PRRX1: variants seen among roughly 807,000 people sequenced by gnomAD.
PRRX1 encodes the protein paired mesoderm homeobox protein 1.
PRRX1 carries 8 observed loss-of-function variants against 24.0 expected under a neutral mutation model. The observed-to-expected ratio is 0.33, with a 90% CI of 0.20 to 0.60. The LOEUF (loss-of-function observed/expected upper bound fraction) is 0.60. PRRX1 is among the 20% of genes least tolerant of loss of function. The pLI, the probability that PRRX1 is intolerant of heterozygous loss-of-function variation, is 0.82. For synonymous variants in PRRX1, 160 were observed against 131.7 expected (o/e 1.22, Z -1.47); for missense variants, 281 against 322.4 (o/e 0.87, Z 0.98).
Position 170,725,156 on chromosome 1 carries a change from C to T in PRRX1, c.418-1064C>T, listed in dbSNP as rs568080464. Reference sequence around the variant, plus strand: ...GCACCCTGAGACTTTGCTGAAGTTGCTTATCAGCTTAAGAAGTTTTTGGGG... The same window carrying T: ...GCACCCTGAGACTTTGCTGAAGTTGTTTATCAGCTTAAGAAGTTTTTGGGG... On this transcript the variant is annotated intron_variant, in intron 2 of 3. Transcript: ENST00000239461. Among the ~76,000 whole-genome samples the T allele has an allele frequency of 1.8e-3, 274 of 152,188 alleles. 11 individuals carry two copies. In the South Asian group the frequency reaches 0.052, roughly 29 times the overall value.
intron 1 of PRRX1, among the ~76,000 whole-genome samples, chr1:170,694,899 G>A (rs549439716): frequency 6.6e-6 from 1 of 152,148 alleles, no homozygotes; most frequent in Non-Finnish European, 1.5e-5. Context: ...TAAGAATTAA[G>A]AGGAGGCTAA....
At chr1:170,701,693 G>C (rs1332417144) in intron 1 of PRRX1, among the ~76,000 whole-genome samples, 1 of 152,044 alleles carries the variant, frequency 6.6e-6, no homozygotes, top group Non-Finnish European at 1.5e-5. Flanking sequence ...CCTAAAGTCA[G>C]ACAGAAAATA....
At chr1:170,684,470 C>T (rs539318206) in intron 1 of PRRX1, among the ~76,000 whole-genome samples, 28 of 152,272 alleles carry the variant, frequency 1.8e-4, no homozygotes, top group Admixed American at 8.5e-4. Context: ...GATTTGGAAT[C>T]GGCTGGGCGG....
chr1:170,714,831 G>A (rs536995912), intron 1 of PRRX1, among the ~76,000 whole-genome samples: 4 of 152,144 alleles, frequency 2.6e-5, no homozygotes, highest in African/African-American at 4.8e-5. Context: ...TACTAGAGCC[G>A]AGGTCAGGGC....
intron 1 of PRRX1, among the ~76,000 whole-genome samples, chr1:170,673,794 T>G (rs1289291827): frequency 6.6e-6 from 1 of 152,212 alleles, no homozygotes; most frequent in Admixed American, 6.5e-5. Flanking sequence ...CTCCTTCCTT[T>G]ATGTTTCTGT....
At chr1:170,681,279 T>C (rs978275251) in intron 1 of PRRX1, among the ~76,000 whole-genome samples, 9 of 152,326 alleles carry the variant, frequency 5.9e-5, no homozygotes, top group African/African-American at 4.8e-5. Flanking sequence ...AAGTTAGTTA[T>C]TGACAAACCA....
intron 1 of PRRX1, among the ~76,000 whole-genome samples, chr1:170,677,339 C>T (rs1392845813): frequency 6.6e-6 from 1 of 152,188 alleles, no homozygotes; most frequent in Non-Finnish European, 1.5e-5. Flanking sequence ...AGCAAAATGC[C>T]TAGTACCCTA....
intron 1 of PRRX1, among the ~76,000 whole-genome samples, chr1:170,713,474 T>C (rs1654809845): frequency 6.6e-6 from 1 of 152,226 alleles, no homozygotes; most frequent in Admixed American, 6.5e-5. Context: ...GAAAAGTATT[T>C]GTTCTATAGA....
chr1:170,691,605 T>C (rs1302174330), intron 1 of PRRX1, among the ~76,000 whole-genome samples: 2 of 151,662 alleles, frequency 1.3e-5, no homozygotes, highest in Admixed American at 6.6e-5. Flanking sequence ...TTTAATATTT[T>C]TGTTTTTATT....
chr1:170,688,343 T>C (rs2101896132), intron 1 of PRRX1, among the ~76,000 whole-genome samples: 1 of 152,188 alleles, frequency 6.6e-6, no homozygotes, highest in Admixed American at 6.5e-5. Flanking sequence ...AGGTATCTAT[T>C]TTTTTTCTAT....
chr1:170,672,955 C>T (rs1653188576), intron 1 of PRRX1, among the ~76,000 whole-genome samples: 1 of 152,100 alleles, frequency 6.6e-6, no homozygotes, highest in South Asian at 2.1e-4. Flanking sequence ...AGAAAATTGA[C>T]ACCTAGAGGC....
At chr1:170,670,759 T>C (rs1653117311) in intron 1 of PRRX1, among the ~76,000 whole-genome samples, 1 of 152,078 alleles carries the variant, frequency 6.6e-6, no homozygotes, top group Non-Finnish European at 1.5e-5. Context: ...AAGGCACAAA[T>C]GGTGGTTGGT....
intron 3 of PRRX1, chr1:170,727,637 A>G (rs932775858): frequency 6.6e-6 from 1 of 152,208 alleles, no homozygotes; most frequent in African/African-American, 2.4e-5. Context: ...TTTCTGTTCC[A>G]AATCAGTTCC....
At chr1:170,733,557 C>G (rs1655508205) in intron 3 of PRRX1, among the ~76,000 whole-genome samples, 1 of 152,138 alleles carries the variant, frequency 6.6e-6, no homozygotes, top group Non-Finnish European at 1.5e-5. Flanking sequence ...AGAAGCCATT[C>G]AAATTTGTTC....
intron 1 of PRRX1, among the ~76,000 whole-genome samples, chr1:170,702,251 C>A (rs755872996): frequency 1.3e-5 from 2 of 152,184 alleles, no homozygotes; most frequent in Non-Finnish European, 2.9e-5. Context: ...TATCAGGCCA[C>A]GGACTGTTAC....
chr1:170,674,054 A>T (rs545344142), intron 1 of PRRX1, among the ~76,000 whole-genome samples: 12 of 152,372 alleles, frequency 7.9e-5, no homozygotes, highest in African/African-American at 2.6e-4. Context: ...GTAAAAAATC[A>T]TGTCATGTTC....
rs1653450179 is a variant in PRRX1, at chr1:170,679,825, AGTTTT to A, written c.241+15367_241+15371del. Among the ~76,000 whole-genome samples, 3 of 152,308 alleles carry A rather than the reference AGTTTT, an allele frequency of 2.0e-5. No homozygotes were observed. The South Asian group carries it at 6.2e-4, about 32-fold the overall frequency. ...TGGATGATGTTTGCAATTTAATTTT[AGTTTT>A]AAGTATGTTTTTAAATGAAAGTTTA... is the stretch of plus-strand genomic sequence containing the variant. On this transcript the variant is annotated intron_variant, in intron 1 of 3. Transcript: ENST00000239461.
chr1:170,666,631 T>C (rs573918330), intron 1 of PRRX1, among the ~76,000 whole-genome samples: 2 of 152,092 alleles, frequency 1.3e-5, no homozygotes, highest in African/African-American at 4.8e-5. Context: ...CAGGAGAGAC[T>C]AGATGCTGCT....
At chr1:170,735,639 C>G (rs1655577359) in intron 3 of PRRX1, among the ~76,000 whole-genome samples, 1 of 152,136 alleles carries the variant, frequency 6.6e-6, no homozygotes, top group Non-Finnish European at 1.5e-5. Context: ...TTTTCAAATG[C>G]TTGTTTCTAT....
Sources: gnomAD v4.1 joint callset for allele counts (sites outside exome capture counted in the v4.1 genomes callset) on GRCh38, gnomAD v4.1.1 for gene constraint, MANE v1.5 for transcripts, NCBI Gene and HGNC (gene_info 2026-07-23, HGNC 2026-07-21) for gene names.